SVEP1: variants seen among roughly 807,000 people sequenced by gnomAD.
SVEP1 encodes sushi, von Willebrand factor type A, EGF and pentraxin domain containing 1, also known as sushi, von Willebrand factor type A, EGF and pentraxin domain-containing protein 1.
A neutral mutation model predicts 367.3 loss-of-function variants in SVEP1; 164 were observed. That is an observed-to-expected ratio of 0.45 (90% CI 0.39 to 0.51). The LOEUF is 0.51. Ranked by LOEUF, SVEP1 falls within the 20% of genes least tolerant of loss-of-function variation. SVEP1 has a pLI of 0.00. For synonymous variants in SVEP1, 1,666 were observed against 1,611.6 expected, an observed-to-expected ratio of 1.03 and a Z score of -0.81; for missense variants, 4,117 against 4,425.3, an observed-to-expected ratio of 0.93 and a Z score of 1.98.
chr9:110,465,901 C>T lies in SVEP1; in HGVS notation c.3286G>A (p.Val1096Met). ...GAAATGTTCACGGCTCCTCTTTTCA[C>T]AGTTGAGGTGTTTTCTGGACACGAG... The part of the protein sequence containing the change: ...CLSCPENTST[V>M]KRGAVNISAC... The change falls in exon 18 of 48, where the codon GTG becomes ATG. Residue 1096 changes from valine (V) to methionine (M), a missense_variant. This residue lies in a region of SVEP1 where 2,174 missense variants were observed against 2,494.3 expected (regional missense o/e 0.87). Transcript: ENST00000374469. 2 of 1,613,108 alleles carry T rather than the reference C, an allele frequency of 1.2e-6. No homozygotes were observed. Among genetic ancestry groups the T allele is most frequent in the Non-Finnish European group, 8.5e-7 (1 of 1,179,534 alleles).
intron 43 of SVEP1, among the ~76,000 whole-genome samples, chr9:110,383,535 G>A (rs565994132): frequency 8.8e-4 from 52 of 59,304 alleles, no homozygotes; most frequent in African/African-American, 3.5e-3. Flanking sequence ...TTGTGGGGGG[G>A]TCTCATCCGT....
At chr9:110,412,775 A>C (rs1828062352) in intron 36 of SVEP1, among the ~76,000 whole-genome samples, 1 of 152,376 alleles carries the variant, frequency 6.6e-6, no homozygotes, top group East Asian at 1.9e-4. Context: ...ATGCAGCCAA[A>C]AAACACATGA....
intron 5 of SVEP1, among the ~76,000 whole-genome samples, chr9:110,505,447 C>T (rs986952655): frequency 5.9e-5 from 9 of 152,144 alleles, no homozygotes; most frequent in East Asian, 1.9e-4. Flanking sequence ...CCTAGAATAA[C>T]GATGGTTTCA....
In SVEP1 at chr9:110,579,664, GC is replaced by G; in HGVS notation, c.-122del. 1 of 1,210,830 alleles carries G rather than the reference GC, an allele frequency of 8.3e-7. No individual in the cohort carries two copies. Among genetic ancestry groups the G allele is most frequent in the Non-Finnish European group, 1.1e-6 (1 of 916,366 alleles). The allele number at this position is 1,210,830 out of a possible 1,614,324, so 75.0% of individuals were successfully genotyped here. On this transcript the variant is annotated 5_prime_UTR_variant, in exon 1 of 48. Coordinates refer to ENST00000374469, the MANE Select transcript of SVEP1 (RefSeq NM_153366.4). This position sits in a 1 kb window ranked among gnomAD's most constrained non-coding sequence, Gnocchi z 5.3. ...GCTGGGCGCGGGGCAGCGGCCAAGA[GC>G]CTCAGCGCCCTTTCATCTGACACTG... is the stretch of plus-strand genomic sequence containing the variant.
intron 5 of SVEP1, among the ~76,000 whole-genome samples, chr9:110,507,482 A>T (rs910237735): frequency 6.6e-6 from 1 of 152,246 alleles, no homozygotes; most frequent in African/African-American, 2.4e-5. Context: ...TGCATTAAAT[A>T]AAAGTTTAGG....
At chr9:110,444,794 A>T (rs1431688798) in intron 26 of SVEP1, among the ~76,000 whole-genome samples, 1 of 152,132 alleles carries the variant, frequency 6.6e-6, no homozygotes, top group African/African-American at 2.4e-5. Flanking sequence ...TCCTTTCTGC[A>T]TTTTTCCAGT....
At chr9:110,383,539 C>T (rs533130878) in intron 43 of SVEP1, among the ~76,000 whole-genome samples, 2 of 55,838 alleles carry the variant, frequency 3.6e-5, no homozygotes, top group South Asian at 5.0e-4. Flanking sequence ...GGGGGGGTCT[C>T]ATCCGTGACC....
chr9:110,488,578 G>A (rs549755979), intron 9 of SVEP1, among the ~76,000 whole-genome samples: 7 of 152,180 alleles, frequency 4.6e-5, no homozygotes, highest in South Asian at 2.1e-4. Context: ...AATGTAAAAC[G>A]TAGCTGGGTG....
Position 110,479,572 on chromosome 9 carries a change from G to T in SVEP1, c.2487+63C>A. 3 of 1,506,064 alleles carry T rather than the reference G, an allele frequency of 2.0e-6. No individual in the cohort carries two copies. In the South Asian group the frequency reaches 4.2e-5, roughly 21 times the overall value. 93.3% of individuals were successfully genotyped at this position (1,506,064 alleles called of 1,614,324 possible). On this transcript the variant is annotated intron_variant, in intron 13 of 47. Transcript: ENST00000374469. Reference sequence around the variant, plus strand: ...AGGATGAGAAATCGCAGTTGTAAATGACTCAGAAAGGTTATGAAAGCCTTA... The same window carrying T: ...AGGATGAGAAATCGCAGTTGTAAATTACTCAGAAAGGTTATGAAAGCCTTA...
intron 13 of SVEP1, among the ~76,000 whole-genome samples, chr9:110,479,146 C>T (rs75396347): frequency 0.028 from 4,264 of 152,082 alleles, 186 homozygotes; most frequent in African/African-American, 0.097. Context: ...TCTCGAACTC[C>T]TGATCTCATG....
At chr9:110,379,296 C>G in intron 44 of SVEP1, 51 bp downstream of exon 44, 2 of 1,584,202 alleles carry the variant, frequency 1.3e-6, no homozygotes, top group Non-Finnish European at 1.7e-6. Flanking sequence ...GATTTCTATA[C>G]ACATTTCCCT....
At chr9:110,517,279 A>C (rs1829816797) in intron 3 of SVEP1, among the ~76,000 whole-genome samples, 2 of 151,588 alleles carry the variant, frequency 1.3e-5, no homozygotes, top group South Asian at 4.2e-4. Flanking sequence ...TGGGCAACAT[A>C]GCTACACCCA....
At position 110,579,394 on chromosome 9, in the gene SVEP1, G is replaced by C. The variant is rs1830665870; in HGVS notation, c.150C>G (p.Pro50=). The C allele has an allele frequency of 6.4e-7, 1 of 1,570,104 alleles. No individual in the cohort carries two copies. Among genetic ancestry groups the C allele is most frequent in the Non-Finnish European group, 8.6e-7 (1 of 1,158,666 alleles). Residue 50 remains proline, a synonymous_variant, in exon 1 of 48, where the codon CCC becomes CCG. Transcript: ENST00000374469. This position sits in a 1 kb window ranked among gnomAD's most constrained non-coding sequence, Gnocchi z 5.3. The stretch of plus-strand genomic sequence containing the variant: ...TCCCCGCCGCTTCGTCGCCAGGAGC[G>C]GGCGGCGCGGGGATACTCCCGGGGG... ...PGAPGSIPAP[P]APGDEAAGSR... is the part of the protein sequence containing the mutation.
At position 110,416,786 on chromosome 9, in the gene SVEP1, C is replaced by A. The variant is rs571222048; in HGVS notation, c.5976-5051G>T. Among the ~76,000 whole-genome samples, 5 of 152,154 alleles carry A rather than the reference C, an allele frequency of 3.3e-5. No individual in the cohort carries two copies. The South Asian group carries it at 1.0e-3, about 32-fold the overall frequency. On this transcript the variant is annotated intron_variant, in intron 36 of 47. Transcript: ENST00000374469. Reference sequence around the variant, plus strand: ...AGAAAACATATTACTTATACAGCAACAAGAATTTGACCAGAGTTTCTCAAT... The same window carrying A: ...AGAAAACATATTACTTATACAGCAAAAAGAATTTGACCAGAGTTTCTCAAT...
At chr9:110,409,846 TAAAC>T (rs751823197) in intron 37 of SVEP1, among the ~76,000 whole-genome samples, 121 of 152,314 alleles carry the variant, frequency 7.9e-4, no homozygotes, top group Non-Finnish European at 1.1e-3. Context: ...TAACAGGTCA[TAAAC>T]AAATAAACAA....
At chr9:110,510,106 C>T (rs1183898499) in intron 5 of SVEP1, among the ~76,000 whole-genome samples, 1 of 152,204 alleles carries the variant, frequency 6.6e-6, no homozygotes, top group Admixed American at 6.5e-5. Flanking sequence ...TGCTTGCCTC[C>T]ATTCCACGTC....
intron 3 of SVEP1, among the ~76,000 whole-genome samples, chr9:110,541,544 A>G (rs1319454214): frequency 1.3e-5 from 2 of 152,102 alleles, no homozygotes; most frequent in Non-Finnish European, 2.9e-5. Context: ...TTGTCACTTC[A>G]TACTTGAAGT....
chr9:110,541,597 T>C (rs1358105762), intron 3 of SVEP1, among the ~76,000 whole-genome samples: 3 of 152,042 alleles, frequency 2.0e-5, no homozygotes, highest in Admixed American at 6.6e-5. Context: ...ATGACAATTA[T>C]ATTATCTCAA....
chr9:110,450,767 G>C (rs900290486), intron 23 of SVEP1, among the ~76,000 whole-genome samples: 5 of 152,040 alleles, frequency 3.3e-5, no homozygotes, highest in African/African-American at 1.2e-4. Context: ...GAACCACCAT[G>C]CCCAGCCGAT....
Sources: gnomAD v4.1 joint callset for allele counts (sites outside exome capture counted in the v4.1 genomes callset) on GRCh38, gnomAD v4.1.1 for gene constraint, gnomAD v4.1.1 regional missense constraint, Gnocchi (gnomAD v3.1) non-coding constraint, MANE v1.5 for transcripts, NCBI Gene and HGNC (gene_info 2026-07-23, HGNC 2026-07-21) for gene names.